Variants in HCRTR2 observed in about 807,000 individuals in gnomAD.
The protein encoded by HCRTR2 is hypocretin receptor 2.
Under a neutral mutation model 49.0 loss-of-function variants are expected in HCRTR2, and 22 were observed. That is an observed-to-expected ratio of 0.45 (90% CI 0.32 to 0.64). The LOEUF (loss-of-function observed/expected upper bound fraction) is 0.64. HCRTR2 is among the 30% of genes least tolerant of loss of function. The pLI is 0.04. For missense variants in HCRTR2, 491 were observed against 559.4 expected (o/e 0.88, Z 1.23); for synonymous variants, 236 against 205.3 (o/e 1.15, Z -1.28).
intron 1 of HCRTR2, among the ~76,000 whole-genome samples, chr6:55,144,786 C>A (rs536015005): frequency 1.3e-5 from 2 of 152,214 alleles, no homozygotes; most frequent in African/African-American, 2.4e-5. Flanking sequence ...CAGTGGGCAC[C>A]AAAGACTACC....
chr6:55,253,934 A>C (rs9396075), intron 2 of HCRTR2, among the ~76,000 whole-genome samples: 26,316 of 152,098 alleles, frequency 0.17, 2,773 homozygotes, highest in Non-Finnish European at 0.24. Flanking sequence ...GGATACTTGG[A>C]TTAATACCTG....
At chr6:55,109,731 G>T (rs11966743) in intron 1 of HCRTR2, among the ~76,000 whole-genome samples, 51 of 152,148 alleles carry the variant, frequency 3.4e-4, no homozygotes, top group African/African-American at 1.2e-3. Flanking sequence ...ATGTTAAGCA[G>T]CCAAACCTAA....
At chr6:55,148,884 A>C (rs1376085161) in intron 1 of HCRTR2, among the ~76,000 whole-genome samples, 1 of 152,120 alleles carries the variant, frequency 6.6e-6, no homozygotes, top group African/African-American at 2.4e-5. Flanking sequence ...TTGCAGTGTA[A>C]TTTTACAGAC....
intron 1 of HCRTR2, among the ~76,000 whole-genome samples, chr6:55,213,381 A>G (rs576146486): frequency 8.5e-5 from 13 of 152,302 alleles, no homozygotes; most frequent in African/African-American, 3.1e-4. Flanking sequence ...TCATTTATTT[A>G]TAATTTAAGG....
intron 1 of HCRTR2, among the ~76,000 whole-genome samples, chr6:55,153,131 A>C (rs1764685050): frequency 1.3e-5 from 2 of 152,082 alleles, no homozygotes; most frequent in Non-Finnish European, 2.9e-5. Context: ...TTTTCACAGC[A>C]CTGCTTGTTA....
chr6:55,153,904 A>T (rs1321966068), intron 1 of HCRTR2, among the ~76,000 whole-genome samples: 1 of 151,860 alleles, frequency 6.6e-6, no homozygotes, highest in Non-Finnish European at 1.5e-5. Flanking sequence ...TACCTTGACT[A>T]AAAAAAGAGA....
At chr6:55,182,239 C>T (rs7758861) in intron 1 of HCRTR2, among the ~76,000 whole-genome samples, 1 of 152,040 alleles carries the variant, frequency 6.6e-6, no homozygotes, top group Non-Finnish European at 1.5e-5. Flanking sequence ...CCCCGGGCCC[C>T]GGCCCCACTT....
chr6:55,274,629 C>T (rs750924089), intron 4 of HCRTR2, among the ~76,000 whole-genome samples: 12 of 151,694 alleles, frequency 7.9e-5, no homozygotes, highest in Admixed American at 4.6e-4. Flanking sequence ...ATGTTGAGTA[C>T]GAGTGGTGAG....
intron 1 of HCRTR2, among the ~76,000 whole-genome samples, chr6:55,111,545 C>G (rs547757591): frequency 1.3e-5 from 2 of 151,752 alleles, no homozygotes; most frequent in Non-Finnish European, 2.9e-5. Flanking sequence ...AACTAGAAAA[C>G]CTAGAGGAGA....
At chr6:55,229,104 G>A (rs1388577560) in intron 1 of HCRTR2, among the ~76,000 whole-genome samples, 1 of 152,124 alleles carries the variant, frequency 6.6e-6, no homozygotes, top group Non-Finnish European at 1.5e-5. Context: ...ACAAACATTA[G>A]CAAAACCAAA....
chr6:55,257,481 G>A (rs1766675030), intron 3 of HCRTR2, among the ~76,000 whole-genome samples: 1 of 151,770 alleles, frequency 6.6e-6, no homozygotes, highest in African/African-American at 2.4e-5. Flanking sequence ...CCGGCAATTA[G>A]TTTCACTTAT....
chr6:55,265,699 C>A (rs1351492514), intron 4 of HCRTR2, among the ~76,000 whole-genome samples: 1 of 152,030 alleles, frequency 6.6e-6, no homozygotes, highest in East Asian at 1.9e-4. Context: ...GATGAATGAT[C>A]TGGAATGATA....
intron 2 of HCRTR2, among the ~76,000 whole-genome samples, chr6:55,252,699 G>C (rs1313700420): frequency 6.6e-6 from 1 of 152,044 alleles, no homozygotes; most frequent in Non-Finnish European, 1.5e-5. Context: ...CATTCTCATA[G>C]AGTCCAGCCC....
chr6:55,119,770 T>G (rs961447362), intron 1 of HCRTR2, among the ~76,000 whole-genome samples: 1 of 152,162 alleles, frequency 6.6e-6, no homozygotes, highest in African/African-American at 2.4e-5. Context: ...GCTCTTTAGT[T>G]TAATTACATC....
intron 1 of HCRTR2, among the ~76,000 whole-genome samples, chr6:55,136,117 G>C (rs1374011054): frequency 6.6e-6 from 1 of 152,134 alleles, no homozygotes; most frequent in Non-Finnish European, 1.5e-5. Context: ...CAGAATAGTA[G>C]AAATTGATCT....
At chr6:55,162,533 A>G (rs1167920940) in intron 1 of HCRTR2, among the ~76,000 whole-genome samples, 2 of 152,218 alleles carry the variant, frequency 1.3e-5, no homozygotes, top group Non-Finnish European at 2.9e-5. Flanking sequence ...AAATAGGAAG[A>G]GAAGAAGTCA....
intron 1 of HCRTR2, among the ~76,000 whole-genome samples, chr6:55,166,884 G>A (rs191718391): frequency 3.3e-5 from 5 of 152,020 alleles, no homozygotes; most frequent in Middle Eastern, 3.4e-3. Flanking sequence ...AATAAAGTAC[G>A]GATAGACACT....
At chr6:55,253,993 A>G (rs1388522750) in intron 2 of HCRTR2, among the ~76,000 whole-genome samples, 1 of 152,156 alleles carries the variant, frequency 6.6e-6, no homozygotes, top group Non-Finnish European at 1.5e-5. Flanking sequence ...ACATTTATCT[A>G]TGTAACAAAC....
At chr6:55,257,215 C>T (rs541478505) in intron 3 of HCRTR2, among the ~76,000 whole-genome samples, 1 of 152,116 alleles carries the variant, frequency 6.6e-6, no homozygotes, top group East Asian at 1.9e-4. Context: ...TGACATGTCT[C>T]TTATACGATC....
Sources: allele counts gnomAD v4.1 joint callset (sites outside exome capture counted in the v4.1 genomes callset), GRCh38; gene constraint gnomAD v4.1.1; transcripts MANE v1.5; gene names NCBI Gene and HGNC (gene_info 2026-07-23, HGNC 2026-07-21).